The following STK3 variants were observed in gnomAD, a reference collection of about 807,000 sequenced individuals.
STK3 encodes serine/threonine-protein kinase 3.
Under a neutral mutation model 58.0 loss-of-function variants are expected in STK3, and 41 were observed. That is an observed-to-expected ratio of 0.71 (90% CI 0.55 to 0.92). STK3 has a LOEUF of 0.92. STK3 is among the 40% of genes least tolerant of loss of function. The probability of loss-of-function intolerance (pLI) is 0.00; values close to 1 mark genes in which losing one functional copy is unlikely to be tolerated. For missense variants in STK3, 479 were observed against 602.7 expected, an observed-to-expected ratio of 0.79 and a Z score of 2.15; for synonymous variants, 170 against 191.0, an observed-to-expected ratio of 0.89 and a Z score of 0.91.
chr8:98,790,207 G>A (rs1564003505), intron 1 of STK3, among the ~76,000 whole-genome samples: 1 of 152,076 alleles, frequency 6.6e-6, no homozygotes, highest in East Asian at 1.9e-4. Flanking sequence ...CCAAAACCAG[G>A]AAAGGATGTA....
intron 10 of STK3, among the ~76,000 whole-genome samples, chr8:98,457,488 T>C (rs1819587911): frequency 6.6e-6 from 1 of 152,222 alleles, no homozygotes; most frequent in Admixed American, 6.5e-5. Context: ...CCCATGTTAA[T>C]CTTTCCCATT....
chr8:98,538,021 A>T (rs1809920303), intron 9 of STK3, among the ~76,000 whole-genome samples: 1 of 152,166 alleles, frequency 6.6e-6, no homozygotes. Context: ...AGTAATTTTT[A>T]AAAATACTTT....
Position 98,548,048 on chromosome 8 carries a change from A to T in STK3, c.1062T>A (p.Asn354Lys). ...SEGAQTMIEH[N>K]STMLESDLGT... ...CCAAGTCGGATTCCAACATCGTGCT[A>T]TTATGTTCAATCATGGTCTGGGCCC... The change falls in exon 9 of 11, where the codon AAT (asparagine) becomes AAA (lysine). Residue 354 changes from asparagine to lysine, a missense_variant. Asn to Lys is a moderately conservative substitution (Grantham distance 94). Coordinates refer to ENST00000419617, the MANE Select transcript of STK3 (RefSeq NM_006281.4). 1.2e-6 allele frequency: 2 copies of T among 1,610,808 alleles called. No homozygotes were observed. Among genetic ancestry groups the T allele is most frequent in the Non-Finnish European group, 1.7e-6 (2 of 1,178,506 alleles).
chr8:98,804,459 C>T (rs528227724), intron 1 of STK3, among the ~76,000 whole-genome samples: 1 of 152,312 alleles, frequency 6.6e-6, no homozygotes, highest in South Asian at 2.1e-4. Context: ...AACCCTGTCC[C>T]AGATACAATA....
chr8:98,614,314 C>T (rs1296882995), intron 6 of STK3, among the ~76,000 whole-genome samples: 7 of 152,064 alleles, frequency 4.6e-5, no homozygotes, highest in Admixed American at 4.6e-4. Flanking sequence ...AAGAACTGAA[C>T]AGAGTAGAGT....
intron 1 of STK3, among the ~76,000 whole-genome samples, chr8:98,929,466 A>G (rs734034): frequency 0.35 from 52,999 of 151,926 alleles, 9,817 homozygotes; most frequent in Admixed American, 0.44. Flanking sequence ...AGACTAGCCT[A>G]GGGAACGTGG....
At chr8:98,672,851 T>G (rs954487736) in intron 6 of STK3, among the ~76,000 whole-genome samples, 1 of 152,172 alleles carries the variant, frequency 6.6e-6, no homozygotes, top group Non-Finnish European at 1.5e-5. Context: ...TACTATTTAG[T>G]GGAGGTCGGG....
rs201910411 is a variant in STK3, at chr8:98,693,232, C to CA, written c.684+13234dup. Among the ~76,000 whole-genome samples the CA allele has an allele frequency of 6.8e-3, 1,031 of 151,706 alleles. 8 individuals carry two copies. The highest frequency in any genetic ancestry group is 0.023 in the African/African-American group (966 of 41,380). ...GGCAACATGGTGAACCCCATCTCCA[C>CA]AAAAAAAATATAAGATTTAGCCAGC... On this transcript the variant is annotated intron_variant, in intron 6 of 10. Coordinates refer to ENST00000419617, the MANE Select transcript of STK3 (RefSeq NM_006281.4).
intron 10 of STK3, among the ~76,000 whole-genome samples, chr8:98,505,896 A>T (rs1824023136): frequency 6.6e-6 from 1 of 152,210 alleles, no homozygotes; most frequent in Non-Finnish European, 1.5e-5. Context: ...TCAGAGCTCG[A>T]ACACCATGCT....
intron 4 of STK3, among the ~76,000 whole-genome samples, chr8:98,741,115 T>A (rs13257741): frequency 0.33 from 49,736 of 151,792 alleles, 8,558 homozygotes; most frequent in Admixed American, 0.44. Context: ...CTGACCTACA[T>A]AGAGACTTAG....
intron 9 of STK3, among the ~76,000 whole-genome samples, chr8:98,528,196 C>G (rs1232842554): frequency 1.3e-5 from 2 of 152,170 alleles, no homozygotes; most frequent in Admixed American, 6.5e-5. Flanking sequence ...TCCAATATCA[C>G]AGTTTTGATT....
chr8:98,345,361 G>A, the STK3 span, among the ~76,000 whole-genome samples: 1 of 151,978 alleles, frequency 6.6e-6, no homozygotes, highest in Non-Finnish European at 1.5e-5. Context: ...AAGGCATCAG[G>A]TAACTATTGA....
At chr8:98,386,981 A>G (rs1392131765) in intron 1 of STK3, among the ~76,000 whole-genome samples, 1 of 152,206 alleles carries the variant, frequency 6.6e-6, no homozygotes, top group Non-Finnish European at 1.5e-5. Context: ...CAAACAAAAA[A>G]TATGTAAATG....
At chr8:98,726,470 C>T (rs1383525600) in intron 4 of STK3, among the ~76,000 whole-genome samples, 2 of 152,152 alleles carry the variant, frequency 1.3e-5, no homozygotes, top group Admixed American at 1.3e-4. Context: ...GGTCTAATCC[C>T]ACAATGCATA....
At chr8:98,915,231 G>A (rs955243754) in intron 1 of STK3, among the ~76,000 whole-genome samples, 5 of 151,838 alleles carry the variant, frequency 3.3e-5, no homozygotes, top group African/African-American at 1.2e-4. Flanking sequence ...TCAGCTGCCA[G>A]CACCACTAGA....
intron 3 of STK3, among the ~76,000 whole-genome samples, chr8:98,410,204 G>T (rs1183565059): frequency 6.6e-6 from 1 of 152,124 alleles, no homozygotes; most frequent in African/African-American, 2.4e-5. Flanking sequence ...AATCAAAATT[G>T]GGAGAGTCCA....
chr8:98,814,894 C>T (rs2131698108), intron 1 of STK3, among the ~76,000 whole-genome samples: 1 of 152,274 alleles, frequency 6.6e-6, no homozygotes, highest in South Asian at 2.1e-4. Context: ...GTTGCCCAGG[C>T]TGGTCTTGAA....
intron 6 of STK3, among the ~76,000 whole-genome samples, chr8:98,606,862 G>A (rs1289282607): frequency 1.3e-5 from 2 of 152,128 alleles, no homozygotes; most frequent in Non-Finnish European, 2.9e-5. Flanking sequence ...CCTGAATTCT[G>A]CCAGTCATTC....
intron 6 of STK3, among the ~76,000 whole-genome samples, chr8:98,621,011 G>C (rs112224311): frequency 1.4e-5 from 2 of 147,760 alleles, no homozygotes; most frequent in African/African-American, 2.5e-5. Flanking sequence ...CTCACTGCAA[G>C]CTCCGCTTCC....
Sources: gnomAD v4.1 joint callset for allele counts (sites outside exome capture counted in the v4.1 genomes callset) on GRCh38, gnomAD v4.1.1 for gene constraint, MANE v1.5 for transcripts, NCBI Gene and HGNC (gene_info 2026-07-23, HGNC 2026-07-21) for gene names.